Variants in CSMD1 observed in about 807,000 individuals in gnomAD.
CSMD1 encodes the protein CUB and sushi domain-containing protein 1.
A neutral mutation model predicts 417.5 loss-of-function variants in CSMD1; 213 were observed. That is an observed-to-expected ratio of 0.51 (90% CI 0.46 to 0.57). CSMD1 has a LOEUF of 0.57. CSMD1 is among the 20% of genes least tolerant of loss of function. CSMD1 has a pLI of 0.00. For synonymous variants in CSMD1, 2,862 were observed against 1,736.8 expected (o/e 1.65, Z -16.11); for missense variants, 6,923 against 4,529.7 (o/e 1.53, Z -15.17).
chr8:3,567,610 T>C (rs1330000202), intron 10 of CSMD1, among the ~76,000 whole-genome samples: 1 of 151,822 alleles, frequency 6.6e-6, no homozygotes, highest in Non-Finnish European at 1.5e-5. Context: ...AAAAAGCCTA[T>C]AATACCTATC....
chr8:3,903,789 T>G (rs1807924364), intron 5 of CSMD1, among the ~76,000 whole-genome samples: 1 of 152,136 alleles, frequency 6.6e-6, no homozygotes, highest in South Asian at 2.1e-4. Flanking sequence ...TTTGAGCCTC[T>G]CGGATCAGTG....
chr8:4,076,144 T>A (rs1380396990), intron 3 of CSMD1, among the ~76,000 whole-genome samples: 1 of 152,150 alleles, frequency 6.6e-6, no homozygotes, highest in Non-Finnish European at 1.5e-5. Flanking sequence ...GGTAACTGAA[T>A]CATGCGTGTG....
intron 33 of CSMD1, among the ~76,000 whole-genome samples, chr8:3,199,271 G>A (rs1326518399): frequency 6.6e-6 from 1 of 151,954 alleles, no homozygotes; most frequent in Non-Finnish European, 1.5e-5. Context: ...TTTGTTTTTT[G>A]TTTTGTTTTG....
Position 4,163,894 on chromosome 8 carries a change from T to A in CSMD1, c.416-131795A>T, listed in dbSNP as rs192400900. Reference sequence around the variant, plus strand: ...TGAAAAGAGAAACACTGGGTTTGAATCAAGGTTTGGTTACTCGTTAGGTGA... The same window carrying A: ...TGAAAAGAGAAACACTGGGTTTGAAACAAGGTTTGGTTACTCGTTAGGTGA... On this transcript the variant is annotated intron_variant, in intron 3 of 69. Coordinates refer to ENST00000635120, the MANE Select transcript of CSMD1 (RefSeq NM_033225.6). Among the ~76,000 whole-genome samples, 8 of 152,314 alleles carry A rather than the reference T, an allele frequency of 5.3e-5. No homozygotes were observed. In the East Asian group the frequency reaches 9.7e-4, roughly 18 times the overall value.
chr8:3,869,160 A>T (rs1805309877), intron 5 of CSMD1, among the ~76,000 whole-genome samples: 1 of 152,118 alleles, frequency 6.6e-6, no homozygotes, highest in Non-Finnish European at 1.5e-5. Flanking sequence ...CCGTGCCCTG[A>T]AATACACAGA....
At chr8:3,155,358 G>GGTTTTTTTTTTTT (rs763097673) in intron 39 of CSMD1, among the ~76,000 whole-genome samples, 1 of 48,094 alleles carries the variant, frequency 2.1e-5, no homozygotes, top group Non-Finnish European at 4.2e-5. Flanking sequence ...TCAAGGCTGG[G>GGTTTTTTTTTTTT]ATTTTTTTTT....
At chr8:3,274,627 A>G (rs983149246) in intron 26 of CSMD1, among the ~76,000 whole-genome samples, 6 of 152,086 alleles carry the variant, frequency 3.9e-5, no homozygotes, top group African/African-American at 1.4e-4. Context: ...TTGGGTGCAT[A>G]TATATTTAGG....
At position 3,948,455 on chromosome 8, in the gene CSMD1, G is replaced by A. The variant is rs551243456; in HGVS notation, c.818+49448C>T. Among the ~76,000 whole-genome samples the A allele has an allele frequency of 6.6e-5, 10 of 152,166 alleles. No individual in the cohort carries two copies. In the South Asian group the frequency reaches 1.7e-3, roughly 25 times the overall value. On this transcript the variant is annotated intron_variant, in intron 5 of 69. Coordinates refer to ENST00000635120, the MANE Select transcript of CSMD1 (RefSeq NM_033225.6). Reference sequence around the variant, plus strand: ...AGGTTTTGTGACACACTTTGAATGTGACCCTTCTTTGGCAGGGAAATTTTC... The same window carrying A: ...AGGTTTTGTGACACACTTTGAATGTAACCCTTCTTTGGCAGGGAAATTTTC...
chr8:3,474,171 C>T (rs1817274098), intron 11 of CSMD1, among the ~76,000 whole-genome samples: 3 of 152,122 alleles, frequency 2.0e-5, no homozygotes, highest in Non-Finnish European at 4.4e-5. Context: ...CAGGTTTTCT[C>T]CCACATCCCA....
At chr8:4,862,038 G>A (rs543805104) in intron 1 of CSMD1, among the ~76,000 whole-genome samples, 2 of 152,162 alleles carry the variant, frequency 1.3e-5, no homozygotes, top group East Asian at 1.9e-4. Flanking sequence ...GAGGGATTGC[G>A]TTTTAATACA....
At chr8:3,506,547 A>G (rs1796836276) in intron 10 of CSMD1, among the ~76,000 whole-genome samples, 1 of 152,206 alleles carries the variant, frequency 6.6e-6, no homozygotes, top group Non-Finnish European at 1.5e-5. Flanking sequence ...TTTACGTTTC[A>G]TTCATTCCCT....
intron 5 of CSMD1, among the ~76,000 whole-genome samples, chr8:3,995,822 G>C (rs527865359): frequency 1.3e-5 from 2 of 152,272 alleles, no homozygotes; most frequent in East Asian, 1.9e-4. Flanking sequence ...GAGCAGCTAA[G>C]CTAACAGGCA....
intron 2 of CSMD1, among the ~76,000 whole-genome samples, chr8:4,613,951 G>C (rs1373058161): frequency 6.6e-6 from 1 of 150,670 alleles, no homozygotes; most frequent in East Asian, 2.0e-4. Flanking sequence ...TTTGTATTGT[G>C]AATTTTTATT....
At chr8:4,111,458 G>T (rs1442167642) in intron 3 of CSMD1, among the ~76,000 whole-genome samples, 2 of 152,146 alleles carry the variant, frequency 1.3e-5, no homozygotes, top group Non-Finnish European at 2.9e-5. Flanking sequence ...AATGGGAAAA[G>T]CACATGCACG....
chr8:3,431,067 T>A (rs959158088), intron 12 of CSMD1, among the ~76,000 whole-genome samples: 2 of 152,086 alleles, frequency 1.3e-5, no homozygotes, highest in Non-Finnish European at 2.9e-5. Flanking sequence ...GGAAATGCAG[T>A]TTCCAGGCTT....
At chr8:4,027,546 G>A (rs533940242) in intron 4 of CSMD1, among the ~76,000 whole-genome samples, 2 of 152,210 alleles carry the variant, frequency 1.3e-5, no homozygotes, top group South Asian at 2.1e-4. Flanking sequence ...GCTGTCCTGT[G>A]AAAACGTGCC....
Position 3,625,356 on chromosome 8 carries a change from C to G in CSMD1, c.1010-8559G>C, listed in dbSNP as rs556993910. On this transcript the variant is annotated intron_variant, in intron 7 of 69. Transcript: ENST00000635120. ...AATTGGACGTGAAGAGCTTCCAACC[C>G]TGAGTGAGAGACAAGGGCTGCATTT... Among the ~76,000 whole-genome samples the G allele has an allele frequency of 1.5e-3, 222 of 152,258 alleles. 1 individual carries two copies. Among genetic ancestry groups the G allele is most frequent in the African/African-American group, 5.0e-3 (209 of 41,562 alleles).
intron 1 of CSMD1, among the ~76,000 whole-genome samples, chr8:4,972,637 T>C (rs766913891): frequency 1.3e-5 from 2 of 152,160 alleles, no homozygotes; most frequent in Admixed American, 6.6e-5. Context: ...AATGAACTAA[T>C]ACAGACACTA....
intron 1 of CSMD1, among the ~76,000 whole-genome samples, chr8:4,775,964 T>G (rs1796834548): frequency 6.6e-6 from 1 of 152,172 alleles, no homozygotes; most frequent in South Asian, 2.1e-4. Context: ...ATGACCAACA[T>G]TAAATGAGAC....
Sources: allele counts gnomAD v4.1 joint callset (sites outside exome capture counted in the v4.1 genomes callset), GRCh38; gene constraint gnomAD v4.1.1; transcripts MANE v1.5; gene names NCBI Gene and HGNC (gene_info 2026-07-23, HGNC 2026-07-21).